RDX: variants seen among roughly 807,000 people sequenced by gnomAD.
The protein encoded by RDX is deafness, autosomal recessive 24.
RDX carries 32 observed loss-of-function variants against 83.7 expected under a neutral mutation model. That is an observed-to-expected ratio of 0.38 (90% confidence interval 0.29 to 0.51). The LOEUF is 0.51. RDX is among the 20% of genes least tolerant of loss of function. RDX has a pLI of 0.87. For missense variants in RDX, 600 were observed against 689.9 expected (o/e 0.87, Z 1.46); for synonymous variants, 229 against 222.7 (o/e 1.03, Z -0.25).
chr11:110,293,362 C>T (rs1861320956), intron 1 of RDX, among the ~76,000 whole-genome samples: 1 of 152,040 alleles, frequency 6.6e-6, no homozygotes, highest in Non-Finnish European at 1.5e-5. Flanking sequence ...TAAACTTTGC[C>T]ATAAAATATA....
chr11:110,234,747 G>A (rs530526171), intron 12 of RDX, among the ~76,000 whole-genome samples: 1 of 152,124 alleles, frequency 6.6e-6, no homozygotes, highest in South Asian at 2.1e-4. Context: ...TCCTTTTGTA[G>A]TTTTATTTAT....
chr11:110,241,194 G>A (rs1290427385), intron 10 of RDX, among the ~76,000 whole-genome samples: 1 of 151,780 alleles, frequency 6.6e-6, no homozygotes, highest in Non-Finnish European at 1.5e-5. Flanking sequence ...AAATGTATAC[G>A]GCACTGGATG....
At chr11:110,192,819 T>C (rs1863127524) in intron 15 of RDX, among the ~76,000 whole-genome samples, 1 of 151,438 alleles carries the variant, frequency 6.6e-6, no homozygotes, top group South Asian at 2.1e-4. Flanking sequence ...TGAGATACCA[T>C]CTCACAGTAG....
downstream of RDX, among the ~76,000 whole-genome samples, chr11:110,227,668 C>G (rs2134287949): frequency 6.6e-6 from 1 of 152,060 alleles, no homozygotes; most frequent in East Asian, 1.9e-4. Context: ...CTATATAGGC[C>G]AAAACAAAGG....
At chr11:110,216,006 T>C (rs1358528910) in intron 14 of RDX, among the ~76,000 whole-genome samples, 1 of 152,168 alleles carries the variant, frequency 6.6e-6, no homozygotes, top group Non-Finnish European at 1.5e-5. Context: ...TGCACCTCTG[T>C]TCCTCAAACT....
In RDX at chr11:110,278,788, C is replaced by T. The variant is rs1463750532; in HGVS notation, c.12+893G>A. Among the ~76,000 whole-genome samples, 12 of 150,286 alleles carry T rather than the reference C, an allele frequency of 8.0e-5. No homozygotes were observed. In the South Asian group the frequency reaches 1.7e-3, roughly 21 times the overall value. ...CTTTAAGTCATTCTGAAGTGTTATCCGTGCTAGAAAATCCCAAAAATGATA... is the reference window on the plus strand; with the variant it reads ...CTTTAAGTCATTCTGAAGTGTTATCTGTGCTAGAAAATCCCAAAAATGATA... On this transcript the variant is annotated intron_variant, in intron 2 of 13. Transcript: ENST00000645495.
downstream of RDX, among the ~76,000 whole-genome samples, chr11:110,229,078 C>T (rs1318481387): frequency 6.6e-6 from 1 of 151,896 alleles, no homozygotes; most frequent in Non-Finnish European, 1.5e-5. Context: ...CATAAATATA[C>T]TTAGCATACA....
intron 1 of RDX, among the ~76,000 whole-genome samples, chr11:110,290,808 G>A (rs1257089193): frequency 6.7e-6 from 1 of 148,986 alleles, no homozygotes; most frequent in Non-Finnish European, 1.5e-5. Flanking sequence ...AAACAAGTCA[G>A]CTACGATGTG....
chr11:110,244,301 G>A (rs1363491099), intron 10 of RDX, among the ~76,000 whole-genome samples: 1 of 134,548 alleles, frequency 7.4e-6, no homozygotes, highest in East Asian at 2.3e-4. Context: ...GGCGAAGGTT[G>A]CAGTGAGCCA....
At chr11:110,206,997 T>C (rs1159018185) in intron 14 of RDX, among the ~76,000 whole-genome samples, 1 of 151,994 alleles carries the variant, frequency 6.6e-6, no homozygotes, top group East Asian at 1.9e-4. Flanking sequence ...TTTTGTGGCA[T>C]GGTCTCGCTC....
At chr11:110,215,745 A>G (rs1250514423) in intron 14 of RDX, among the ~76,000 whole-genome samples, 1 of 152,222 alleles carries the variant, frequency 6.6e-6, no homozygotes, top group East Asian at 1.9e-4. Context: ...GAAAGGTCAC[A>G]TTTTGTAATA....
chr11:110,210,831 T>C (rs1591514397), intron 14 of RDX, among the ~76,000 whole-genome samples: 1 of 151,930 alleles, frequency 6.6e-6, no homozygotes, highest in Non-Finnish European at 1.5e-5. Flanking sequence ...CAAGAGCTCC[T>C]GAAGGAAGCA....
intron 7 of RDX, among the ~76,000 whole-genome samples, chr11:110,256,052 T>C (rs763963873): frequency 2.0e-5 from 3 of 152,158 alleles, no homozygotes; most frequent in Non-Finnish European, 2.9e-5. Context: ...CACAAAGATA[T>C]AGGGAATCAT....
chr11:110,205,110 T>C (rs191317000), intron 14 of RDX, among the ~76,000 whole-genome samples: 4 of 152,100 alleles, frequency 2.6e-5, no homozygotes, highest in Admixed American at 6.6e-5. Flanking sequence ...GGAAGAAATA[T>C]GAAAGAAATG....
chr11:110,296,026 T>A (rs1293597534), intron 1 of RDX, among the ~76,000 whole-genome samples: 3 of 152,276 alleles, frequency 2.0e-5, no homozygotes. Flanking sequence ...GAATTCTACC[T>A]ACGCTGAATA....
chr11:110,249,983 G>GTCTTCCTTGC (rs1161742672), intron 9 of RDX, among the ~76,000 whole-genome samples: 2 of 152,320 alleles, frequency 1.3e-5, no homozygotes, highest in Non-Finnish European at 2.9e-5. Flanking sequence ...CAGCAAGGAG[G>GTCTTCCTTGC]AAGAGCCAGT....
At chr11:110,193,984 A>G (rs1189693736) in intron 15 of RDX, among the ~76,000 whole-genome samples, 2 of 152,200 alleles carry the variant, frequency 1.3e-5, no homozygotes, top group Non-Finnish European at 2.9e-5. Flanking sequence ...ACCCATATGT[A>G]GAAAAGGTTT....
At chr11:110,257,203 A>G (rs1423967015) in intron 7 of RDX, among the ~76,000 whole-genome samples, 1 of 151,414 alleles carries the variant, frequency 6.6e-6, no homozygotes, top group African/African-American at 2.4e-5. Flanking sequence ...GATGAATTAT[A>G]TATGTATAAT....
chr11:110,240,583 A>G (rs1865048218), intron 10 of RDX, among the ~76,000 whole-genome samples: 1 of 151,480 alleles, frequency 6.6e-6, no homozygotes, highest in South Asian at 2.1e-4. Flanking sequence ...CTCTACTAAA[A>G]ATACAAAAAA....
Sources: allele counts gnomAD v4.1 joint callset (sites outside exome capture counted in the v4.1 genomes callset), GRCh38; gene constraint gnomAD v4.1.1; transcripts MANE v1.5; gene names NCBI Gene and HGNC (gene_info 2026-07-23, HGNC 2026-07-21).